The following LMAN2L variants were observed in gnomAD, a reference collection of about 807,000 sequenced individuals.
LMAN2L encodes VIP36-like protein.
LMAN2L carries 30 observed loss-of-function variants against 44.3 expected under a neutral mutation model. The observed-to-expected ratio is 0.68, with a 90% CI of 0.51 to 0.92. The LOEUF (loss-of-function observed/expected upper bound fraction) is 0.92. Among genes scored for constraint, LMAN2L ranks in the 40% least tolerant of loss-of-function variants. LMAN2L has a pLI of 0.00. For missense variants in LMAN2L, 429 were observed against 446.1 expected (o/e 0.96, Z 0.35); for synonymous variants, 183 against 171.1 (o/e 1.07, Z -0.54).
At chr2:96,713,368 A>C (rs1411365838) in intron 4 of LMAN2L, among the ~76,000 whole-genome samples, 1 of 152,172 alleles carries the variant, frequency 6.6e-6, no homozygotes, top group Non-Finnish European at 1.5e-5. Context: ...CATTTTTCTG[A>C]GGAGAGGGTC....
chr2:96,732,791 C>CTTTT (rs567344079), intron 4 of LMAN2L, among the ~76,000 whole-genome samples: 2 of 141,906 alleles, frequency 1.4e-5, no homozygotes, highest in African/African-American at 2.6e-5. Flanking sequence ...TTCTTTCTTT[C>CTTTT]TTTTTTTTTT....
intron 4 of LMAN2L, among the ~76,000 whole-genome samples, chr2:96,718,012 A>G (rs978707895): frequency 6.6e-5 from 10 of 151,766 alleles, no homozygotes; most frequent in African/African-American, 2.4e-4. Flanking sequence ...CTGGAGTGCA[A>G]TGGCGCGATC....
intron 4 of LMAN2L, among the ~76,000 whole-genome samples, chr2:96,721,255 C>G (rs1185463448): frequency 6.7e-6 from 1 of 150,252 alleles, no homozygotes; most frequent in East Asian, 1.9e-4. Flanking sequence ...TGACTGGCTT[C>G]TTCCACTTAG....
chr2:96,728,056 C>A (rs1003752015), intron 4 of LMAN2L, among the ~76,000 whole-genome samples: 2 of 152,176 alleles, frequency 1.3e-5, no homozygotes, highest in African/African-American at 2.4e-5. Context: ...CAATGCCTGG[C>A]GCCTTTATGT....
intron 4 of LMAN2L, among the ~76,000 whole-genome samples, chr2:96,731,068 T>G (rs1032225830): frequency 1.1e-4 from 17 of 152,194 alleles, no homozygotes; most frequent in African/African-American, 3.9e-4. Flanking sequence ...AAAAGGCACT[T>G]CCTGGAAGAA....
At position 96,711,922 on chromosome 2, in the gene LMAN2L, A is replaced by G; in HGVS notation, c.611T>C (p.Val204Ala). The change falls in exon 5 of 8, where the codon GTC becomes GCC. Residue 204 changes from valine to alanine, a missense_variant. By Grantham distance (64) the Val-to-Ala change is moderately conservative. Transcript: ENST00000264963. ...PTELGGCTAI[V>A]RNLHYDTFLV... ...GAAGGTGTCGTAATGAAGATTGCGG[A>G]CAATGGCTGTGCAGCCTCCCAGCTC... 1 of 1,614,190 alleles carries G rather than the reference A, an allele frequency of 6.2e-7. No individual in the cohort carries two copies. Among genetic ancestry groups the G allele is most frequent in the Non-Finnish European group, 8.5e-7 (1 of 1,180,046 alleles).
intron 4 of LMAN2L, among the ~76,000 whole-genome samples, chr2:96,714,785 A>G (rs2078004780): frequency 1.3e-5 from 2 of 152,042 alleles, no homozygotes; most frequent in South Asian, 4.2e-4. Flanking sequence ...AGGGTGCCTT[A>G]CTCTTCCCAA....
intron 4 of LMAN2L, among the ~76,000 whole-genome samples, chr2:96,731,220 C>G (rs1438984628): frequency 1.3e-5 from 2 of 152,200 alleles, no homozygotes; most frequent in African/African-American, 4.8e-5. Context: ...CTCACTAATT[C>G]CCAGGGCCTG....
chr2:96,724,643 C>T (rs977678958), intron 4 of LMAN2L, among the ~76,000 whole-genome samples: 8 of 151,964 alleles, frequency 5.3e-5, no homozygotes, highest in African/African-American at 1.7e-4. Context: ...GCATCACCCA[C>T]CACACCAGGC....
rs1334195933 is a variant in LMAN2L, at chr2:96,707,728, A to G, written c.890T>C (p.Met297Thr). Residue 297 changes from methionine (M) to threonine (T), a missense_variant, in exon 7 of 8, where the codon ATG becomes ACG. By Grantham distance (81) the Met-to-Thr change is moderately conservative. Coordinates refer to ENST00000264963, the MANE Select transcript of LMAN2L (RefSeq NM_030805.4). ...CCTGTGCTCACTCTCAGGCAGCTTC[A>G]TATTGTCCACTGAGGGCAAGAACAC... ...RDVFLPSVDN[M>T]KLPEMTAPLP... is the part of the protein sequence containing the mutation. 3 of 1,614,094 alleles carry G rather than the reference A, an allele frequency of 1.9e-6. No homozygotes were observed. Among genetic ancestry groups the G allele is most frequent in the Non-Finnish European group, 2.5e-6 (3 of 1,180,004 alleles).
intron 4 of LMAN2L, among the ~76,000 whole-genome samples, chr2:96,724,656 A>AT (rs926228074): frequency 1.4e-4 from 21 of 151,076 alleles, no homozygotes; most frequent in Non-Finnish European, 2.8e-4. Context: ...CACCAGGCTA[A>AT]TTTTTTTTGA....
chr2:96,711,843 G>A (rs763292317), intron 5 of LMAN2L, 21 bp downstream of exon 5: 4 of 1,613,846 alleles, frequency 2.5e-6, no homozygotes, highest in Middle Eastern at 1.6e-4. Context: ...CCACCATCTG[G>A]TCCAGGACAA....
intron 4 of LMAN2L, among the ~76,000 whole-genome samples, chr2:96,719,727 CT>C (rs759331080): frequency 1.2e-4 from 18 of 152,174 alleles, no homozygotes; most frequent in Non-Finnish European, 2.2e-4. Context: ...TCCCAAGAAG[CT>C]GGGATTATAG....
intron 4 of LMAN2L, among the ~76,000 whole-genome samples, chr2:96,723,912 C>A (rs1227080373): frequency 6.6e-6 from 1 of 151,732 alleles, no homozygotes; most frequent in Non-Finnish European, 1.5e-5. Flanking sequence ...TATGGTGAAA[C>A]CCCATCTCTA....
intron 1 of LMAN2L, among the ~76,000 whole-genome samples, chr2:96,738,535 G>A (rs563116359): frequency 9.5e-4 from 144 of 152,078 alleles, no homozygotes; most frequent in South Asian, 1.7e-3. Context: ...AATTAGCCAG[G>A]TGTGGTAGTC....
intron 4 of LMAN2L, among the ~76,000 whole-genome samples, chr2:96,721,908 C>T (rs1040218341): frequency 1.3e-5 from 2 of 151,952 alleles, no homozygotes; most frequent in Admixed American, 6.6e-5. Flanking sequence ...TTCCATGAAC[C>T]GGGGAGTTGG....
Position 96,707,163 on chromosome 2 carries a change from CAAG to C in LMAN2L, c.*90_*92del. ...ATAGTCCCCAACCAGCTGCTAGAGA[CAAG>C]AACACTCTCCAGGCTGCATGCTCAG... On this transcript the variant is annotated 3_prime_UTR_variant, in exon 8 of 8. Transcript: ENST00000264963. 7.9e-7 allele frequency: 1 copy of C among 1,261,404 alleles called. No individual in the cohort carries two copies. 78.1% of individuals were successfully genotyped at this position (1,261,404 alleles called of 1,614,324 possible).
rs367870871 is a variant in LMAN2L, at chr2:96,707,239, G to C, written c.*17C>G. 8 of 1,612,026 alleles carry C rather than the reference G, an allele frequency of 5.0e-6. No individual in the cohort carries two copies. The highest frequency in any genetic ancestry group is 2.2e-5 in the South Asian group (2 of 90,820). On this transcript the variant is annotated 3_prime_UTR_variant, in exon 8 of 8. Transcript: ENST00000264963. ...CCTCATGGGTGACAGTCACAAAAGT[G>C]GTGGCAGCAGGAGGGCTCAGTAGAA...
intron 4 of LMAN2L, among the ~76,000 whole-genome samples, chr2:96,724,406 G>C (rs1267250319): frequency 2.0e-5 from 3 of 152,200 alleles, no homozygotes; most frequent in Non-Finnish European, 2.9e-5. Context: ...GAGCAATGTG[G>C]GGAGTACTGC....
Sources: allele counts gnomAD v4.1 joint callset (sites outside exome capture counted in the v4.1 genomes callset), GRCh38; gene constraint gnomAD v4.1.1; transcripts MANE v1.5; gene names NCBI Gene and HGNC (gene_info 2026-07-23, HGNC 2026-07-21).